The following C18orf54 variants were observed in gnomAD, a reference collection of about 807,000 sequenced individuals.
C18orf54 encodes the protein chromosome 18 open reading frame 54.
C18orf54 carries 49 observed loss-of-function variants against 49.3 expected under a neutral mutation model. That is an observed-to-expected ratio of 0.99 (90% CI 0.79 to 1.26). The LOEUF (loss-of-function observed/expected upper bound fraction) is 1.26, where lower values mean the gene tolerates loss of function less well. C18orf54 is among the 50% of genes most tolerant of loss of function. The pLI, the probability that C18orf54 is intolerant of heterozygous loss-of-function variation, is 0.00. For missense variants in C18orf54, 687 were observed against 620.6 expected (o/e 1.11, Z -1.14); for synonymous variants, 211 against 216.6 (o/e 0.97, Z 0.23).
chr18:54,371,376 T>TG (rs1336765368), intron 6 of C18orf54, among the ~76,000 whole-genome samples: 3 of 152,186 alleles, frequency 2.0e-5, no homozygotes, highest in African/African-American at 7.2e-5. Flanking sequence ...CACATTTTGT[T>TG]TATTCATTCA....
At position 54,378,160 on chromosome 18, in the gene C18orf54, A is replaced by G; in HGVS notation, c.1530-14A>G. ...ATAACTGGTTTATAATGTGTTTTAT[A>G]CTTTTTAATGAAGGGCTTTGCACCA... On this transcript the variant is annotated splice_polypyrimidine_tract_variant and intron_variant, in intron 8 of 8. Coordinates refer to ENST00000620105, the MANE Select transcript of C18orf54 (RefSeq NM_001288980.2). 2.5e-6 allele frequency: 4 copies of G among 1,608,638 alleles called. No individual in the cohort carries two copies. The highest frequency in any genetic ancestry group is 1.3e-5 in the African/African-American group (1 of 74,866).
intron 6 of C18orf54, among the ~76,000 whole-genome samples, chr18:54,371,362 G>T (rs1960771072): frequency 6.6e-6 from 1 of 152,072 alleles, no homozygotes; most frequent in Admixed American, 6.5e-5. Context: ...TTGTATGTAT[G>T]TACCACATTT....
chr18:54,374,530 T>C (rs539820459), intron 8 of C18orf54, among the ~76,000 whole-genome samples: 7 of 151,972 alleles, frequency 4.6e-5, no homozygotes, highest in African/African-American at 1.4e-4. Flanking sequence ...ATATGACTCA[T>C]TTTTGAGTAG....
chr18:54,375,035 T>C (rs1440704290), intron 8 of C18orf54, among the ~76,000 whole-genome samples: 1 of 152,024 alleles, frequency 6.6e-6, no homozygotes, highest in Admixed American at 6.5e-5. Context: ...ATAGTTTTCA[T>C]AGTTAAAATG....
chr18:54,366,198 T>G (rs775498962), intron 6 of C18orf54, among the ~76,000 whole-genome samples: 3 of 151,882 alleles, frequency 2.0e-5, no homozygotes, highest in Non-Finnish European at 4.4e-5. Flanking sequence ...TATAGTCAGC[T>G]GATACTGCTT....
Position 54,366,054 on chromosome 18 carries a change from A to G in C18orf54, c.1326+233A>G, listed in dbSNP as rs138465124. Among the ~76,000 whole-genome samples, 1,329 of 151,932 alleles carry G rather than the reference A, an allele frequency of 8.7e-3. 12 individuals carry two copies. The highest frequency in any genetic ancestry group is 0.013 in the Non-Finnish European group (898 of 67,764). On this transcript the variant is annotated intron_variant, in intron 6 of 8. Transcript: ENST00000620105. ...TATGGGATACATGGTGATGGGATACACTGTGAATATACAGTGATCAAATCA... is the reference window on the plus strand; with the variant it reads ...TATGGGATACATGGTGATGGGATACGCTGTGAATATACAGTGATCAAATCA...
rs2089656798 is a variant in C18orf54 at position 54,380,821 on chromosome 18, T to C, written c.*2575T>C. On this transcript the variant is annotated 3_prime_UTR_variant, in exon 9 of 9. Coordinates refer to ENST00000620105, the MANE Select transcript of C18orf54 (RefSeq NM_001288980.2). ...CTGTGTTACAGACGCATGGAATTGC[T>C]CCTGTAGATTTGAATTTTTGTTTCA... 6.6e-6 allele frequency: 1 copy of C among 152,146 alleles called. No homozygotes were observed. The highest frequency in any genetic ancestry group is 1.5e-5 in the Non-Finnish European group (1 of 67,978). 9.4% of individuals were successfully genotyped at this position (152,146 alleles called of 1,614,324 possible).
chr18:54,377,403 CCTT>C (rs560461913), intron 8 of C18orf54, among the ~76,000 whole-genome samples: 14 of 152,030 alleles, frequency 9.2e-5, no homozygotes, highest in Non-Finnish European at 1.6e-4. Flanking sequence ...TCCTTAATAT[CCTT>C]CTTATTTATT....
At chr18:54,371,741 A>G (rs184765770) in intron 6 of C18orf54, among the ~76,000 whole-genome samples, 4 of 152,276 alleles carry the variant, frequency 2.6e-5, no homozygotes, top group East Asian at 1.9e-4. Context: ...TATGGTGCAC[A>G]GTCTATGCTG....
In C18orf54 at chr18:54,365,723, TCTC is replaced by T. The variant is rs775108995; in HGVS notation, c.1231_1233del (p.Pro411del). On this transcript the variant is annotated inframe_deletion, in exon 6 of 9. Coordinates refer to ENST00000620105, the MANE Select transcript of C18orf54 (RefSeq NM_001288980.2). ...CATCCTTTAAATCCTGTTTAGCAAA[TCTC>T]CTGTTCCCGTTAACTCTGATGATAG... 1.9e-6 allele frequency: 3 copies of T among 1,578,122 alleles called. No individual in the cohort carries two copies. The highest frequency in any genetic ancestry group is 2.2e-5 in the East Asian group (1 of 44,468).
Position 54,360,830 on chromosome 18 carries a change from C to T in C18orf54, c.258C>T (p.Cys86=). 1 of 1,612,236 alleles carries T rather than the reference C, an allele frequency of 6.2e-7. No homozygotes were observed. Among genetic ancestry groups the T allele is most frequent in the South Asian group, 1.1e-5 (1 of 91,032 alleles). ...DEDFTNMSQF[C]NYIYKPNNAF... Reference sequence around the variant, plus strand: ...ATTTTACTAATATGTCACAGTTCTGCAACTATATTTACAAACCAAACAATG... The same window carrying T: ...ATTTTACTAATATGTCACAGTTCTGTAACTATATTTACAAACCAAACAATG... Residue 86 remains cysteine, a synonymous_variant, in exon 3 of 9, where the codon TGC becomes TGT. Coordinates refer to ENST00000620105, the MANE Select transcript of C18orf54 (RefSeq NM_001288980.2).
In C18orf54 at chr18:54,381,828, T is replaced by C. The variant is rs892507113; in HGVS notation, c.*3582T>C. On this transcript the variant is annotated 3_prime_UTR_variant, in exon 9 of 9. Transcript: ENST00000620105. ...TGCCTCTTATACTATGTTGTATTCC[T>C]AGACAAGGAAATGTATATCAAAATA... 1.3e-5 allele frequency: 2 copies of C among 152,232 alleles called. No homozygotes were observed. The highest frequency in any genetic ancestry group is 2.4e-5 in the African/African-American group (1 of 41,468). The allele number at this position is 152,232 out of a possible 1,614,324, so 9.4% of individuals were successfully genotyped here.
intron 8 of C18orf54, among the ~76,000 whole-genome samples, chr18:54,377,436 A>T (rs1221012946): frequency 6.6e-6 from 1 of 151,658 alleles, no homozygotes; most frequent in Non-Finnish European, 1.5e-5. Context: ...AAATATGACT[A>T]ATTGATGTTT....
At position 54,379,224 on chromosome 18, in the gene C18orf54, G is replaced by A. The variant is rs1227604747; in HGVS notation, c.*978G>A. On this transcript the variant is annotated 3_prime_UTR_variant, in exon 9 of 9. Coordinates refer to ENST00000620105, the MANE Select transcript of C18orf54 (RefSeq NM_001288980.2). ...CACTTATTATTAATACTTCTTATAA[G>A]TAGTAAGCATCTTTACTAACACAAC... The A allele has an allele frequency of 6.6e-6, 1 of 151,984 alleles. No homozygotes were observed. Among genetic ancestry groups the A allele is most frequent in the African/African-American group, 2.4e-5 (1 of 41,394 alleles). 9.4% of individuals were successfully genotyped at this position (151,984 alleles called of 1,614,324 possible).
Position 54,357,997 on chromosome 18 carries a change from C to CG in C18orf54, c.-220dup, listed in dbSNP as rs986274252. 3.7e-4 allele frequency: 56 copies of CG among 152,786 alleles called. No individual in the cohort carries two copies. The highest frequency in any genetic ancestry group is 1.3e-3 in the African/African-American group (52 of 41,564). The allele number at this position is 152,786 out of a possible 1,614,324, so 9.5% of individuals were successfully genotyped here. ...CGAGTGAGCCGAGCCTGAGGCGGGGCGGTGTCCGGGTTGGGGATGCTTTGT... is the reference window on the plus strand; with the variant it reads ...CGAGTGAGCCGAGCCTGAGGCGGGGCGGGTGTCCGGGTTGGGGATGCTTTGT... On this transcript the variant is annotated 5_prime_UTR_variant, in exon 1 of 9. Transcript: ENST00000620105.
In C18orf54 at chr18:54,379,112, G is replaced by GT. The variant is rs1650233020; in HGVS notation, c.*867dup. Reference sequence around the variant, plus strand: ...AGCAACTCTATTTTAGAGCTATTTTGTAAGAGTTGTGCTTTCTTTAACACC... The same window carrying GT: ...AGCAACTCTATTTTAGAGCTATTTTGTTAAGAGTTGTGCTTTCTTTAACACC... On this transcript the variant is annotated 3_prime_UTR_variant, in exon 9 of 9. Coordinates refer to ENST00000620105, the MANE Select transcript of C18orf54 (RefSeq NM_001288980.2). 3 of 152,044 alleles carry GT rather than the reference G, an allele frequency of 2.0e-5. No homozygotes were observed. The allele number at this position is 152,044 out of a possible 1,614,324, so 9.4% of individuals were successfully genotyped here. A position where few individuals can be genotyped will look rare whatever the true frequency, so the allele number is the denominator to read the frequency against.
chr18:54,364,390 T>A (rs1765674475), intron 5 of C18orf54, among the ~76,000 whole-genome samples: 3 of 152,120 alleles, frequency 2.0e-5, no homozygotes. Flanking sequence ...GTATAATTAA[T>A]ATTATCAATA....
chr18:54,371,000 C>T (rs2089477265), intron 6 of C18orf54, among the ~76,000 whole-genome samples: 1 of 150,886 alleles, frequency 6.6e-6, no homozygotes, highest in South Asian at 2.1e-4. Flanking sequence ...ATATACATAA[C>T]ATAAAATTTA....
At position 54,372,540 on chromosome 18, in the gene C18orf54, A is replaced by G; in HGVS notation, c.1401A>G (p.Ala467=). ...AACAAATGTTATTTAACCTTCAAGC[A>G]GTACAAGAACGTTTTAATCAAAATA... ...ALKQMLFNLQ[A]VQERFNQNKT... The change falls in exon 7 of 9, where the codon GCA becomes GCG. Residue 467 remains alanine (A), a synonymous_variant. Transcript: ENST00000620105. 6.2e-7 allele frequency: 1 copy of G among 1,611,368 alleles called. No homozygotes were observed. Among genetic ancestry groups the G allele is most frequent in the Non-Finnish European group, 8.5e-7 (1 of 1,178,136 alleles).
Sources: gnomAD v4.1 joint callset for allele counts (sites outside exome capture counted in the v4.1 genomes callset) on GRCh38, gnomAD v4.1.1 for gene constraint, MANE v1.5 for transcripts, NCBI Gene and HGNC (gene_info 2026-07-23, HGNC 2026-07-21) for gene names.